The following BORCS5 variants were observed in gnomAD, a reference collection of about 807,000 sequenced individuals.
BORCS5 encodes the protein BLOC-1-related complex subunit 5.
BORCS5 carries 17 observed loss-of-function variants against 22.1 expected under a neutral mutation model. The ratio of observed to expected loss-of-function variants is 0.77; its 90% confidence interval spans 0.53 to 1.15. The LOEUF is 1.15. Among genes scored for constraint, BORCS5 ranks in the 50% most tolerant of loss-of-function variants. The pLI, the probability that BORCS5 is intolerant of heterozygous loss-of-function variation, is 0.00. For synonymous variants in BORCS5, 117 were observed against 99.8 expected (o/e 1.17, Z -1.03); for missense variants, 247 against 253.2 (o/e 0.98, Z 0.17).
intron 2 of BORCS5, among the ~76,000 whole-genome samples, chr12:12,390,596 G>A (rs1941149051): frequency 1.3e-5 from 2 of 151,248 alleles, no homozygotes; most frequent in Admixed American, 6.6e-5. Context: ...AGACCAGCCT[G>A]GTCAACATAG....
rs934947149 is a variant in BORCS5, at chr12:12,466,030, C to A, written c.*254C>A. ...TGGAACGTGTGAATTATTAGGAATT[C>A]TTTGAAGAACTCTGCATTGAGAATT... On this transcript the variant is annotated 3_prime_UTR_variant, in exon 4 of 4. Transcript: ENST00000314565. The A allele has an allele frequency of 1.9e-5, 8 of 431,258 alleles. No homozygotes were observed. The highest frequency in any genetic ancestry group is 1.3e-4 in the South Asian group (3 of 23,062). The allele number at this position is 431,258 out of a possible 1,614,324, so 26.7% of individuals were successfully genotyped here.
intron 2 of BORCS5, among the ~76,000 whole-genome samples, chr12:12,366,800 T>C (rs1863415720): frequency 6.6e-6 from 1 of 152,228 alleles, no homozygotes; most frequent in Admixed American, 6.5e-5. Flanking sequence ...ACAAAAATAA[T>C]TATTCACTCT....
At chr12:12,450,236 C>G (rs887663889) in intron 3 of BORCS5, among the ~76,000 whole-genome samples, 6 of 152,198 alleles carry the variant, frequency 3.9e-5, no homozygotes, top group Non-Finnish European at 8.8e-5. Context: ...TAGTGCTTGC[C>G]CACTCTGGGA....
chr12:12,380,199 TATC>T (rs1421268509), intron 2 of BORCS5, among the ~76,000 whole-genome samples: 1 of 151,214 alleles, frequency 6.6e-6, no homozygotes, highest in African/African-American at 2.4e-5. Context: ...CCATGACAGA[TATC>T]ATAATAATGG....
At chr12:12,386,509 C>T (rs1444927749) in intron 2 of BORCS5, among the ~76,000 whole-genome samples, 1 of 146,366 alleles carries the variant, frequency 6.8e-6, no homozygotes, top group East Asian at 2.0e-4. Context: ...CAAAGTCTTG[C>T]TTTTTCTCCC....
chr12:12,456,505 G>T lies in BORCS5; in HGVS notation c.361-9041G>T, dbSNP rs200956806. Among the ~76,000 whole-genome samples, 4 of 152,214 alleles carry T rather than the reference G, an allele frequency of 2.6e-5. No individual in the cohort carries two copies. The East Asian group carries it at 7.7e-4, about 29-fold the overall frequency. ...AAACCAGCATCAAAGCTTATTTTAT[G>T]AGGAAAATTTATATAACAAAAGTTT... On this transcript the variant is annotated intron_variant, in intron 3 of 3. Transcript: ENST00000314565.
In BORCS5 at chr12:12,373,981, CT is replaced by C. The variant is rs926893487; in HGVS notation, c.202+12656del. The stretch of plus-strand genomic sequence containing the variant: ...AGAAGGCAGGGTTGCAGAGAGTATT[CT>C]TTTTTTTTTTTTTTTTTTTTTTTGA... On this transcript the variant is annotated intron_variant, in intron 2 of 3. Transcript: ENST00000314565. 9.1e-3 allele frequency among the ~76,000 whole-genome samples: 816 copies of C among 89,788 alleles called. 3 individuals carry two copies. Among genetic ancestry groups the C allele is most frequent in the African/African-American group, 0.028 (572 of 20,148 alleles). The allele number at this position is 89,788 out of a possible 152,430, so 58.9% of individuals were successfully genotyped here.
intron 2 of BORCS5, among the ~76,000 whole-genome samples, chr12:12,376,102 CT>C (rs1312072635): frequency 6.6e-6 from 1 of 152,048 alleles, no homozygotes; most frequent in Non-Finnish European, 1.5e-5. Context: ...CATGCCTGGT[CT>C]GTAATCCTGT....
intron 2 of BORCS5, among the ~76,000 whole-genome samples, chr12:12,417,215 A>G (rs1273769997): frequency 1.3e-5 from 2 of 151,718 alleles, no homozygotes; most frequent in Non-Finnish European, 2.9e-5. Flanking sequence ...TGTTTTCTTC[A>G]TTGATCTGTT....
intron 2 of BORCS5, among the ~76,000 whole-genome samples, chr12:12,421,358 A>G (rs1175139768): frequency 6.6e-6 from 1 of 151,990 alleles, no homozygotes; most frequent in African/African-American, 2.4e-5. Flanking sequence ...ACGTTTATTG[A>G]TTTGTGTATG....
chr12:12,376,617 C>T lies in BORCS5; in HGVS notation c.202+15268C>T, dbSNP rs149304818. On this transcript the variant is annotated intron_variant, in intron 2 of 3. Coordinates refer to ENST00000314565, the MANE Select transcript of BORCS5 (RefSeq NM_058169.6). ...TATTTCAGTAAATCTTATGTTATGT[C>T]AAAATTAATTTTTCTCAGCCATAGG... Among the ~76,000 whole-genome samples the T allele has an allele frequency of 7.2e-4, 110 of 152,164 alleles. 1 individual carries two copies. The East Asian group carries it at 0.021, about 29-fold the overall frequency.
intron 2 of BORCS5, among the ~76,000 whole-genome samples, chr12:12,376,113 T>A (rs376870582): frequency 6.6e-6 from 1 of 152,114 alleles, no homozygotes; most frequent in East Asian, 1.9e-4. Flanking sequence ...TGTAATCCTG[T>A]CTCTAAACAT....
chr12:12,439,779 T>C (rs1183356960), intron 3 of BORCS5, among the ~76,000 whole-genome samples: 1 of 152,148 alleles, frequency 6.6e-6, no homozygotes, highest in African/African-American at 2.4e-5. Context: ...TGAGTGCAGT[T>C]TTGGGGCTTT....
intron 2 of BORCS5, among the ~76,000 whole-genome samples, chr12:12,401,894 T>TAA (rs548454938): frequency 1.4e-5 from 2 of 143,756 alleles, no homozygotes; most frequent in East Asian, 2.0e-4. Flanking sequence ...CTGTCTCTAC[T>TAA]AAAAAAAAAA....
intron 2 of BORCS5, among the ~76,000 whole-genome samples, chr12:12,421,808 A>G (rs1478069039): frequency 6.6e-6 from 1 of 151,992 alleles, no homozygotes; most frequent in Non-Finnish European, 1.5e-5. Flanking sequence ...GAATTTATCC[A>G]TTTCTTCTAG....
chr12:12,358,835 A>C (rs762801052), intron 1 of BORCS5, among the ~76,000 whole-genome samples: 6 of 152,206 alleles, frequency 3.9e-5, no homozygotes, highest in Non-Finnish European at 7.3e-5. Flanking sequence ...GGCTTTTGTA[A>C]AATGTTAGGT....
intron 3 of BORCS5, among the ~76,000 whole-genome samples, chr12:12,461,723 T>C (rs980578026): frequency 6.6e-6 from 1 of 152,022 alleles, no homozygotes; most frequent in African/African-American, 2.4e-5. Context: ...GAGGGGACAG[T>C]GAAGAAGAGA....
At position 12,466,524 on chromosome 12, in the gene BORCS5, G is replaced by A. The variant is rs1261577954; in HGVS notation, c.*748G>A. On this transcript the variant is annotated 3_prime_UTR_variant, in exon 4 of 4. Coordinates refer to ENST00000314565, the MANE Select transcript of BORCS5 (RefSeq NM_058169.6). ...ACCCATTTGATGTGTCCAATATTGT[G>A]CCAGGGATACAAATATGGCCGTATA... is the stretch of plus-strand genomic sequence containing the variant. 2 of 152,116 alleles carry A rather than the reference G, an allele frequency of 1.3e-5. No individual in the cohort carries two copies. The highest frequency in any genetic ancestry group is 2.9e-5 in the Non-Finnish European group (2 of 68,032). 9.4% of individuals were successfully genotyped at this position (152,116 alleles called of 1,614,324 possible).
In BORCS5 at chr12:12,469,278, C is replaced by T. The variant is rs1354188971; in HGVS notation, c.*3502C>T. The T allele has an allele frequency of 1.3e-5, 2 of 152,298 alleles. No homozygotes were observed. The highest frequency in any genetic ancestry group is 2.9e-5 in the Non-Finnish European group (2 of 68,110). 9.4% of individuals were successfully genotyped at this position (152,298 alleles called of 1,614,324 possible). A position where few individuals can be genotyped will look rare whatever the true frequency, so the allele number is the denominator to read the frequency against. On this transcript the variant is annotated 3_prime_UTR_variant, in exon 4 of 4. Coordinates refer to ENST00000314565, the MANE Select transcript of BORCS5 (RefSeq NM_058169.6). ...GGCCAAGGTGGGAGAATCGCTTGAACCTGGGAGGCGGAGGTTGCAGTGAGC... is the reference window on the plus strand; with the variant it reads ...GGCCAAGGTGGGAGAATCGCTTGAATCTGGGAGGCGGAGGTTGCAGTGAGC...
Sources: gnomAD v4.1 joint callset for allele counts (sites outside exome capture counted in the v4.1 genomes callset) on GRCh38, gnomAD v4.1.1 for gene constraint, MANE v1.5 for transcripts, NCBI Gene and HGNC (gene_info 2026-07-23, HGNC 2026-07-21) for gene names.